NPIPB11: variants seen among roughly 807,000 people sequenced by gnomAD.
NPIPB11 encodes the protein nuclear pore complex-interacting protein family member B11.
A neutral mutation model predicts 32.8 loss-of-function variants in NPIPB11; 17 were observed. The ratio of observed to expected loss-of-function variants is 0.52; its 90% confidence interval spans 0.35 to 0.78. NPIPB11 has a LOEUF of 0.78. Ranked by LOEUF, NPIPB11 falls within the 30% of genes least tolerant of loss-of-function variation. NPIPB11 has a pLI of 0.01. For synonymous variants in NPIPB11, 209 were observed against 398.4 expected (o/e 0.52, Z 5.66); for missense variants, 537 against 1,000.4 (o/e 0.54, Z 6.25).
chr16:29,395,986 A>G (rs1963844312), intron 2 of NPIPB11, among the ~76,000 whole-genome samples: 1 of 151,306 alleles, frequency 6.6e-6, no homozygotes, highest in Non-Finnish European at 1.5e-5. Context: ...TCAAAAAAAA[A>G]AAAAAAATTA....
At chr16:29,399,802 G>A (rs1195902104) in intron 2 of NPIPB11, among the ~76,000 whole-genome samples, 1 of 151,838 alleles carries the variant, frequency 6.6e-6, no homozygotes, top group African/African-American at 2.4e-5. Context: ...GATTTGGCTG[G>A]GCATGGTGGC....
intron 2 of NPIPB11, among the ~76,000 whole-genome samples, chr16:29,394,833 C>A (rs1442615951): frequency 6.6e-6 from 1 of 150,746 alleles, no homozygotes; most frequent in Non-Finnish European, 1.5e-5. Context: ...GCAACCTCTG[C>A]CTCTCAGGTT....
intron 2 of NPIPB11, among the ~76,000 whole-genome samples, chr16:29,400,769 G>C (rs200288327): frequency 0.047 from 7,217 of 152,136 alleles, 192 homozygotes; most frequent in South Asian, 0.065. Context: ...TTGGGCCTAG[G>C]CTGGGATGCT....
intron 3 of NPIPB11, among the ~76,000 whole-genome samples, chr16:29,393,423 A>G (rs577403154): frequency 2.0e-3 from 310 of 151,846 alleles, no homozygotes; most frequent in Admixed American, 5.1e-3. Context: ...ATCTCCATCT[A>G]TCTCCCTCTC....
At chr16:29,406,591 G>A (rs1964118429), upstream of NPIPB11, among the ~76,000 whole-genome samples, 1 of 152,160 alleles carries the variant, frequency 6.6e-6, no homozygotes, top group Non-Finnish European at 1.5e-5. Flanking sequence ...GCACATGCCT[G>A]TAGTCTCAGC....
exon 8 of NPIPB11, chr16:29,382,998 G>A (rs748831812): frequency 5.9e-5 from 94 of 1,604,354 alleles, no homozygotes; most frequent in Middle Eastern, 2.3e-4. Context: ...GCTGACGCTC[G>A]GAAGGTGTCT....
At chr16:29,393,854 A>T in intron 3 of NPIPB11, 94 bp downstream of exon 3, 1 of 1,230,426 alleles carries the variant, frequency 8.1e-7, no homozygotes. Flanking sequence ...AAAACCACAT[A>T]TTCATAATGA....
chr16:29,393,818 T>C (rs1428769059), intron 3 of NPIPB11, 130 bp downstream of exon 3: 2 of 1,227,592 alleles, frequency 1.6e-6, no homozygotes, highest in Admixed American at 5.7e-5. Context: ...CTTATGCTAA[T>C]AAATCATTTC....
intron 2 of NPIPB11, among the ~76,000 whole-genome samples, chr16:29,394,722 G>A (rs940538190): frequency 2.6e-5 from 4 of 151,780 alleles, no homozygotes; most frequent in South Asian, 2.1e-4. Context: ...GTGAGCCACC[G>A]TGCCCAGCCA....
upstream of NPIPB11, among the ~76,000 whole-genome samples, chr16:29,406,382 G>A (rs1596687622): frequency 6.6e-6 from 1 of 152,360 alleles, no homozygotes; most frequent in South Asian, 2.1e-4. Flanking sequence ...TTGTAATTTT[G>A]ATAGTTATGC....
intron 5 of NPIPB11, 62 bp downstream of exon 5, chr16:29,389,879 A>C: frequency 6.4e-7 from 1 of 1,573,288 alleles, no homozygotes; most frequent in Non-Finnish European, 8.6e-7. Context: ...AGGACTTTAC[A>C]GTTGTCTACT....
intron 2 of NPIPB11, among the ~76,000 whole-genome samples, chr16:29,394,484 G>A (rs1447254006): frequency 6.6e-6 from 1 of 150,882 alleles, no homozygotes; most frequent in South Asian, 2.1e-4. Context: ...GCCCAGGCTG[G>A]AGTGAAGTGG....
chr16:29,390,653 T>TACAC (rs56110526), intron 3 of NPIPB11, among the ~76,000 whole-genome samples: 23 of 146,884 alleles, frequency 1.6e-4, no homozygotes, highest in Non-Finnish European at 2.4e-4. Flanking sequence ...CTCTGTCACA[T>TACAC]ACACACACAC....
chr16:29,394,192 G>T, intron 2 of NPIPB11, 116 bp from the exon 3 acceptor site: 1 of 1,129,248 alleles, frequency 8.9e-7, no homozygotes, highest in Non-Finnish European at 1.3e-6. Context: ...ACATCCCTCA[G>T]ATATCACCGT....
chr16:29,401,880 A>G (rs530555139), intron 2 of NPIPB11, among the ~76,000 whole-genome samples: 182 of 151,606 alleles, frequency 1.2e-3, no homozygotes, highest in South Asian at 1.7e-3. Context: ...AGCATGGGCA[A>G]GAAAAGAGCC....
chr16:29,389,123 A>G (rs1963641589), intron 5 of NPIPB11, among the ~76,000 whole-genome samples: 1 of 147,142 alleles, frequency 6.8e-6, no homozygotes, highest in African/African-American at 2.5e-5. Flanking sequence ...TGAACCTGGG[A>G]GGTGGAGGTT....
rs1963782974 is a variant in NPIPB11 at position 29,393,937 on chromosome 16, A to C, written c.249+11T>G. On this transcript the variant is annotated intron_variant, in intron 3 of 7. Transcript: ENST00000524087. ...TACAAGTATACCTCTACAGAAAGTT[A>C]GTATACTCACCCAAAGGTAAACTAT... 6.4e-7 allele frequency: 1 copy of C among 1,568,306 alleles called. No individual in the cohort carries two copies. Among genetic ancestry groups the C allele is most frequent in the African/African-American group, 1.4e-5 (1 of 73,926 alleles).
In NPIPB11 at chr16:29,402,724, C is replaced by CTCTCTCTCTGTGTG. The variant is rs1449821025; in HGVS notation, c.120+958_120+959insCACACAGAGAGAGA. Among the ~76,000 whole-genome samples, 324 of 119,648 alleles carry CTCTCTCTCTGTGTG rather than the reference C, an allele frequency of 2.7e-3. 1 individual carries two copies. The highest frequency in any genetic ancestry group is 0.016 in the East Asian group (55 of 3,470). 78.5% of individuals were successfully genotyped at this position (119,648 alleles called of 152,430 possible). A position where few individuals can be genotyped will look rare whatever the true frequency, so the allele number is the denominator to read the frequency against. The stretch of plus-strand genomic sequence containing the variant: ...TCTCTCTCTCTCTCTCTCTCTCTCT[C>CTCTCTCTCTGTGTG]TGTGTGTGTGTGTGTGTGTGTGTGT... On this transcript the variant is annotated intron_variant, in intron 2 of 7. Coordinates refer to ENST00000524087, the Ensembl canonical transcript of NPIPB11.
At chr16:29,394,598 C>T (rs1284450430) in intron 2 of NPIPB11, among the ~76,000 whole-genome samples, 2 of 151,482 alleles carry the variant, frequency 1.3e-5, no homozygotes, top group Admixed American at 1.3e-4. Flanking sequence ...CCATGCCCGA[C>T]TCATTTTTGT....
Sources: allele counts gnomAD v4.1 joint callset (sites outside exome capture counted in the v4.1 genomes callset), GRCh38; gene constraint gnomAD v4.1.1; transcripts MANE v1.5; gene names NCBI Gene and HGNC (gene_info 2026-07-23, HGNC 2026-07-21).